The following PALS1 variants were observed in gnomAD, a reference collection of about 807,000 sequenced individuals.
PALS1 encodes protein PALS1.
In PALS1, 31 loss-of-function variants were observed where a neutral mutation model predicts 78.9. That is an observed-to-expected ratio of 0.39 (90% confidence interval 0.30 to 0.53). PALS1 has a LOEUF of 0.53. Among genes scored for constraint, PALS1 ranks in the 20% least tolerant of loss-of-function variants. The pLI is 0.67. For synonymous variants in PALS1, 276 were observed against 270.9 expected (o/e 1.02, Z -0.18); for missense variants, 704 against 826.5 (o/e 0.85, Z 1.82).
At chr14:67,276,291 A>G (rs2084503734) in intron 2 of PALS1, among the ~76,000 whole-genome samples, 1 of 152,014 alleles carries the variant, frequency 6.6e-6, no homozygotes, top group Non-Finnish European at 1.5e-5. Flanking sequence ...TGTCCCATCC[A>G]GCTTTATTGT....
intron 3 of PALS1, among the ~76,000 whole-genome samples, chr14:67,284,429 T>TAA (rs530863294): frequency 0.04 from 3,664 of 92,638 alleles, 218 homozygotes; most frequent in Middle Eastern, 0.045. Flanking sequence ...CCCTATCTCT[T>TAA]AAAAAAAAAA....
chr14:67,332,749 T>G, intron 14 of PALS1, 31 bp from the exon 15 acceptor site: 1 of 1,583,990 alleles, frequency 6.3e-7, no homozygotes, highest in South Asian at 1.1e-5. Context: ...AGGAAAGGAA[T>G]TATCTCACAG....
intron 13 of PALS1, among the ~76,000 whole-genome samples, chr14:67,322,337 GACTC>G (rs2085274655): frequency 6.6e-6 from 1 of 152,124 alleles, no homozygotes; most frequent in African/African-American, 2.4e-5. Context: ...AGCAGAGTGA[GACTC>G]TGTCTGAAAA....
intron 10 of PALS1, 40 bp from the exon 11 acceptor site, chr14:67,317,368 C>G (rs772057372): frequency 2.7e-6 from 4 of 1,496,282 alleles, no homozygotes; most frequent in Non-Finnish European, 3.7e-6. Context: ...GTTTTGTTCA[C>G]GGGAACACAT....
chr14:67,247,283 T>A (rs2084002200), intron 1 of PALS1, among the ~76,000 whole-genome samples: 1 of 152,232 alleles, frequency 6.6e-6, no homozygotes, highest in Non-Finnish European at 1.5e-5. Context: ...TTGGTCCTAT[T>A]GTAAATGGTA....
chr14:67,302,642 T>C (rs1017986180), intron 7 of PALS1, 71 bp downstream of exon 7: 9 of 1,191,126 alleles, frequency 7.6e-6, no homozygotes, highest in Non-Finnish European at 1.0e-5. Flanking sequence ...GAATAAAATA[T>C]TTTTAAAATA....
chr14:67,270,505 C>T (rs1318200219), intron 2 of PALS1: 3 of 150,770 alleles, frequency 2.0e-5, no homozygotes, highest in African/African-American at 7.3e-5. Context: ...CCTCTGCTGT[C>T]TTCATAAGAT....
chr14:67,315,478 G>C (rs567536962), intron 9 of PALS1, among the ~76,000 whole-genome samples: 1 of 151,846 alleles, frequency 6.6e-6, no homozygotes, highest in Non-Finnish European at 1.5e-5. Context: ...GGGTTTCACC[G>C]TGTTAGCCAG....
At chr14:67,251,894 AAG>A (rs1179670840) in intron 1 of PALS1, among the ~76,000 whole-genome samples, 1 of 152,168 alleles carries the variant, frequency 6.6e-6, no homozygotes, top group African/African-American at 2.4e-5. Flanking sequence ...TGGGAAGGCA[AAG>A]AGGGGCTAGA....
At chr14:67,299,892 TCA>T (rs1338014019) in intron 4 of PALS1, among the ~76,000 whole-genome samples, 1 of 152,234 alleles carries the variant, frequency 6.6e-6, no homozygotes, top group Non-Finnish European at 1.5e-5. Flanking sequence ...CTTCCCATCC[TCA>T]GAGTTTCTTC....
intron 3 of PALS1, among the ~76,000 whole-genome samples, chr14:67,287,824 C>T (rs1475942431): frequency 6.6e-6 from 1 of 152,206 alleles, no homozygotes; most frequent in Non-Finnish European, 1.5e-5. Flanking sequence ...CAGTAGTTAA[C>T]AGCCGAAAGG....
At chr14:67,275,758 T>C (rs1248209573) in intron 2 of PALS1, among the ~76,000 whole-genome samples, 2 of 152,204 alleles carry the variant, frequency 1.3e-5, no homozygotes, top group African/African-American at 4.8e-5. Context: ...TCCTGGACTT[T>C]TTTTGGTTGG....
intron 4 of PALS1, among the ~76,000 whole-genome samples, chr14:67,299,972 T>C (rs1400061443): frequency 6.6e-6 from 1 of 152,198 alleles, no homozygotes; most frequent in East Asian, 1.9e-4. Flanking sequence ...TAATAAACTT[T>C]AAAAGGGAAA....
At chr14:67,242,583 G>A (rs956611687) in intron 1 of PALS1, among the ~76,000 whole-genome samples, 8 of 152,020 alleles carry the variant, frequency 5.3e-5, no homozygotes, top group Non-Finnish European at 1.0e-4. Flanking sequence ...AGTATTGGTG[G>A]TAATGAAACT....
intron 2 of PALS1, 41 bp from the exon 3 acceptor site, chr14:67,278,977 T>C: frequency 2.0e-6 from 1 of 503,424 alleles, no homozygotes; most frequent in South Asian, 3.6e-5. Context: ...GCTTTTATAT[T>C]GTAATTCTTA....
chr14:67,244,130 A>G (rs1200105413), intron 1 of PALS1, among the ~76,000 whole-genome samples: 10 of 152,154 alleles, frequency 6.6e-5, no homozygotes. Context: ...CTTTTTTAAT[A>G]ACTACTAACT....
At chr14:67,318,712 T>G (rs2085216039) in intron 11 of PALS1, among the ~76,000 whole-genome samples, 1 of 152,154 alleles carries the variant, frequency 6.6e-6, no homozygotes, top group African/African-American at 2.4e-5. Context: ...GGGCAGTAAC[T>G]ATATGATGTT....
chr14:67,303,824 G>A (rs762578152), intron 8 of PALS1, among the ~76,000 whole-genome samples: 1 of 151,636 alleles, frequency 6.6e-6, no homozygotes, highest in Non-Finnish European at 1.5e-5. Flanking sequence ...GTAGAGTGCA[G>A]TGGTGTGATC....
chr14:67,278,285 C>G (rs991538750), intron 2 of PALS1, among the ~76,000 whole-genome samples: 2 of 151,842 alleles, frequency 1.3e-5, no homozygotes, highest in Non-Finnish European at 2.9e-5. Context: ...ATCTGCCTTC[C>G]TTGGCCTCCC....
Sources: allele counts gnomAD v4.1 joint callset (sites outside exome capture counted in the v4.1 genomes callset), GRCh38; gene constraint gnomAD v4.1.1; transcripts MANE v1.5; gene names NCBI Gene and HGNC (gene_info 2026-07-23, HGNC 2026-07-21).